The following FBXO22 variants were observed in gnomAD, a reference collection of about 807,000 sequenced individuals.
FBXO22 encodes the protein F-box only protein 22.
A neutral mutation model predicts 37.2 loss-of-function variants in FBXO22; 13 were observed. The ratio of observed to expected loss-of-function variants is 0.35; its 90% CI spans 0.23 to 0.56. The LOEUF (loss-of-function observed/expected upper bound fraction) is 0.56. Ranked by LOEUF, FBXO22 falls within the 20% of genes least tolerant of loss-of-function variation. The probability of loss-of-function intolerance (pLI) is 0.87; values close to 1 mark genes in which losing one functional copy is unlikely to be tolerated. For missense variants in FBXO22, 446 were observed against 509.9 expected (o/e 0.87, Z 1.21); for synonymous variants, 189 against 189.1 (o/e 1.00, Z 0.00).
At position 75,904,058 on chromosome 15, in the gene FBXO22, G is replaced by A. The variant is rs1899860402; in HGVS notation, c.95G>A (p.Arg32His). The change falls in exon 1 of 7, where the codon CGT (arginine) becomes CAT (histidine). Residue 32 changes from arginine to histidine, a missense_variant. Coordinates refer to ENST00000308275, the MANE Select transcript of FBXO22 (RefSeq NM_147188.3). ...VLSNLAEVVE[R>H]VLTFLPAKAL... is the part of the protein sequence containing the mutation. ...AGTAACCTGGCGGAGGTGGTGGAGCGTGTGCTCACCTTCCTGCCCGCCAAG... is the reference window on the plus strand; with the variant it reads ...AGTAACCTGGCGGAGGTGGTGGAGCATGTGCTCACCTTCCTGCCCGCCAAG... The A allele has an allele frequency of 1.3e-6, 2 of 1,557,296 alleles. No homozygotes were observed. The highest frequency in any genetic ancestry group is 2.4e-5 in the East Asian group (1 of 41,886).
Position 75,914,176 on chromosome 15 carries a change from TCC to T in FBXO22, c.435_436del (p.Leu146TrpfsTer16), listed in dbSNP as rs1424445686. 1 of 1,613,442 alleles carries T rather than the reference TCC, an allele frequency of 6.2e-7. No homozygotes were observed. Among genetic ancestry groups the T allele is most frequent in the South Asian group, 1.1e-5 (1 of 91,000 alleles). ...AAGCTATTCCCCAAACAATGCCAAG[TCC>T]TTGGGATTGTGACCCCAGGAATTGT... On this transcript the variant is annotated frameshift_variant, in exon 4 of 7. Coordinates refer to ENST00000308275, the MANE Select transcript of FBXO22 (RefSeq NM_147188.3). LOFTEE classifies it high-confidence loss of function.
Position 75,941,811 on chromosome 15 carries a change from A to G in FBXO22, c.*8709A>G, listed in dbSNP as rs1175975010. On this transcript the variant is annotated 3_prime_UTR_variant, in exon 7 of 7. Coordinates refer to ENST00000308275, the MANE Select transcript of FBXO22 (RefSeq NM_147188.3). ...ACAGAGATTAGTGTGGGATCATGAAAAAGTTCCGGAGGTGCATAGTGGTGA... is the reference window on the plus strand; with the variant it reads ...ACAGAGATTAGTGTGGGATCATGAAGAAGTTCCGGAGGTGCATAGTGGTGA... 1 of 152,054 alleles carries G rather than the reference A, an allele frequency of 6.6e-6. No individual in the cohort carries two copies. Among genetic ancestry groups the G allele is most frequent in the African/African-American group, 2.4e-5 (1 of 41,376 alleles). 9.4% of individuals were successfully genotyped at this position (152,054 alleles called of 1,614,324 possible). A position where few individuals can be genotyped will look rare whatever the true frequency, so the allele number is the denominator to read the frequency against.
At chr15:75,904,688 A>G in intron 2 of FBXO22, 59 bp downstream of exon 2, 4 of 1,505,882 alleles carry the variant, frequency 2.7e-6, no homozygotes, top group Non-Finnish European at 3.5e-6. Flanking sequence ...AGTCTTTGAG[A>G]ACTATTTTTT....
chr15:75,933,529 A>G lies in FBXO22; in HGVS notation c.*427A>G. 5.7e-6 allele frequency: 1 copy of G among 175,952 alleles called. No homozygotes were observed. The highest frequency in any genetic ancestry group is 1.2e-5 in the Non-Finnish European group (1 of 82,750). The allele number at this position is 175,952 out of a possible 1,614,324, so 10.9% of individuals were successfully genotyped here. ...CCTTTTTTCTCCCTTAATAAAGGAG[A>G]AAAATATACTGATGGCTGGAGAAAT... On this transcript the variant is annotated 3_prime_UTR_variant, in exon 7 of 7. Transcript: ENST00000308275.
intron 2 of FBXO22, 72 bp downstream of exon 2, chr15:75,904,701 TA>T: frequency 6.9e-7 from 1 of 1,447,264 alleles, no homozygotes; most frequent in South Asian, 1.4e-5. Flanking sequence ...TATTTTTTTT[TA>T]AATCCCAGTT....
chr15:75,914,035 G>T, intron 3 of FBXO22, 75 bp from the exon 4 acceptor site: 2 of 1,033,300 alleles, frequency 1.9e-6, no homozygotes, highest in Non-Finnish European at 3.0e-6. Context: ...TCCAGTATTT[G>T]CTTTTTTACT....
intron 1 of FBXO22, 165 bp from the exon 2 acceptor site, chr15:75,904,326 T>C: frequency 3.5e-6 from 4 of 1,156,800 alleles, no homozygotes; most frequent in Non-Finnish European, 4.9e-6. Flanking sequence ...TCTCCATATC[T>C]GGCTCTTCTT....
chr15:75,911,564 T>G (rs560168040), intron 2 of FBXO22, among the ~76,000 whole-genome samples: 4 of 152,098 alleles, frequency 2.6e-5, no homozygotes, highest in African/African-American at 9.7e-5. Flanking sequence ...GGCTTTCTGT[T>G]TGTCTGTTAT....
At chr15:75,927,720 A>G (rs2029876296) in intron 5 of FBXO22, among the ~76,000 whole-genome samples, 1 of 152,086 alleles carries the variant, frequency 6.6e-6, no homozygotes, top group South Asian at 2.1e-4. Flanking sequence ...CAAGTCAGTA[A>G]TTTACTGTGT....
At chr15:75,922,395 G>C (rs980208862) in intron 5 of FBXO22, among the ~76,000 whole-genome samples, 1 of 152,212 alleles carries the variant, frequency 6.6e-6, no homozygotes, top group Non-Finnish European at 1.5e-5. Context: ...TGCTGTAGGG[G>C]TTCTGCCAGT....
chr15:75,925,233 T>C (rs1008810648), intron 5 of FBXO22, among the ~76,000 whole-genome samples: 1 of 152,166 alleles, frequency 6.6e-6, no homozygotes, highest in Admixed American at 6.6e-5. Flanking sequence ...TTTGGAAGTA[T>C]TGAATCCTCA....
chr15:75,917,797 C>T (rs1027532189), intron 5 of FBXO22, among the ~76,000 whole-genome samples: 3 of 151,992 alleles, frequency 2.0e-5, no homozygotes, highest in East Asian at 1.9e-4. Flanking sequence ...TTTTAGAATA[C>T]GCGGGTTAGT....
intron 4 of FBXO22, among the ~76,000 whole-genome samples, chr15:75,916,365 C>T (rs1352716366): frequency 6.6e-6 from 1 of 152,146 alleles, no homozygotes; most frequent in East Asian, 1.9e-4. Flanking sequence ...AGTCCAAGAT[C>T]GGGGATGGTC....
chr15:75,917,790 T>C (rs1015704924), intron 5 of FBXO22, among the ~76,000 whole-genome samples: 1 of 152,180 alleles, frequency 6.6e-6, no homozygotes, highest in Admixed American at 6.5e-5. Flanking sequence ...TAGAAGTTTT[T>C]AGAATACGCG....
At position 75,934,567 on chromosome 15, in the gene FBXO22, C is replaced by T. The variant is rs2030196703; in HGVS notation, c.*1465C>T. ...TTTTTAAAACTGAAAATATTTTTCT[C>T]TTGCTATTTATATATATATGATAAA... On this transcript the variant is annotated 3_prime_UTR_variant, in exon 7 of 7. Transcript: ENST00000308275. The T allele has an allele frequency of 6.6e-6, 1 of 151,880 alleles. No individual in the cohort carries two copies. The highest frequency in any genetic ancestry group is 2.4e-5 in the African/African-American group (1 of 41,306). The allele number at this position is 151,880 out of a possible 1,614,324, so 9.4% of individuals were successfully genotyped here.
In FBXO22 at chr15:75,913,228, T is replaced by G. The variant is rs747555820; in HGVS notation, c.305T>G (p.Val102Gly). ...LENVRILPHT[V>G]LYMADSETFI... ...AATGTTCGCATCTTACCACATACAG[T>G]TCTTTACATGGCTGATTCAGAAACT... The change falls in exon 3 of 7, where the codon GTT (valine) becomes GGT (glycine). Residue 102 changes from valine to glycine, a missense_variant. By Grantham distance (109) the Val-to-Gly change is moderately radical. Around this residue, in one of 2 missense-constraint regions of FBXO22, gnomAD observed 315 missense variants for 410.1 expected, o/e 0.77. Transcript: ENST00000308275. 1 of 1,610,688 alleles carries G rather than the reference T, an allele frequency of 6.2e-7. No homozygotes were observed. The highest frequency in any genetic ancestry group is 1.1e-5 in the South Asian group (1 of 91,062).
At chr15:75,929,819 C>T in intron 5 of FBXO22, 65 bp from the exon 6 acceptor site, 1 of 1,588,024 alleles carries the variant, frequency 6.3e-7, no homozygotes, top group Non-Finnish European at 8.6e-7. Context: ...TTTCATTTTG[C>T]AGCATGTATA....
intron 6 of FBXO22, among the ~76,000 whole-genome samples, chr15:75,931,949 C>T: frequency 6.6e-6 from 1 of 152,206 alleles, no homozygotes; most frequent in South Asian, 2.1e-4. Flanking sequence ...TGCAGTGGCT[C>T]ATGCCTGTAA....
rs1463900465 is a variant in FBXO22, at chr15:75,938,236, T to C, written c.*5134T>C. ...CACACACAGAAGGAATAGTCTTTTA[T>C]AAAAATAATTTGGAAAACTCTCAAA... On this transcript the variant is annotated 3_prime_UTR_variant, in exon 7 of 7. Transcript: ENST00000308275. 1.3e-5 allele frequency: 2 copies of C among 152,140 alleles called. No homozygotes were observed. The highest frequency in any genetic ancestry group is 2.9e-5 in the Non-Finnish European group (2 of 68,016). 9.4% of individuals were successfully genotyped at this position (152,140 alleles called of 1,614,324 possible). A position where few individuals can be genotyped will look rare whatever the true frequency, so the allele number is the denominator to read the frequency against.
Sources: allele counts gnomAD v4.1 joint callset (sites outside exome capture counted in the v4.1 genomes callset), GRCh38; gene constraint gnomAD v4.1.1; regional missense constraint gnomAD v4.1.1; transcripts MANE v1.5; gene names NCBI Gene and HGNC (gene_info 2026-07-23, HGNC 2026-07-21).